The following SHC2 variants were observed in gnomAD, a reference collection of about 807,000 sequenced individuals.
SHC2 encodes SHC adaptor protein 2.
Under a neutral mutation model 60.6 loss-of-function variants are expected in SHC2, and 62 were observed. The observed-to-expected ratio is 1.02, with a 90% CI of 0.83 to 1.26. SHC2 has a LOEUF of 1.26. SHC2 is among the 50% of genes most tolerant of loss of function. The probability of loss-of-function intolerance (pLI) is 0.00; values close to 1 mark genes in which losing one functional copy is unlikely to be tolerated. For missense variants in SHC2, 873 were observed against 822.2 expected, an observed-to-expected ratio of 1.06 and a Z score of -0.76; for synonymous variants, 375 against 372.4, an observed-to-expected ratio of 1.01 and a Z score of -0.08.
rs917617526 is a variant in SHC2 at position 417,211 on chromosome 19, C to T, written c.*117G>A. On this transcript the variant is annotated 3_prime_UTR_variant, in exon 13 of 13. Coordinates refer to ENST00000264554, the MANE Select transcript of SHC2 (RefSeq NM_012435.3). ...GAGGCTCATGCGGAGGAAGGAGAGG[C>T]AGCGGTGGTTCGGCCTGACCAGGAT... is the stretch of plus-strand genomic sequence containing the variant. 24 of 153,062 alleles carry T rather than the reference C, an allele frequency of 1.6e-4. No individual in the cohort carries two copies. The highest frequency in any genetic ancestry group is 5.8e-4 in the African/African-American group (24 of 41,462). The allele number at this position is 153,062 out of a possible 1,614,324, so 9.5% of individuals were successfully genotyped here.
At chr19:460,375 G>A (rs1975511718) in intron 1 of SHC2, among the ~76,000 whole-genome samples, 154 bp downstream of exon 1, 1 of 151,850 alleles carries the variant, frequency 6.6e-6, no homozygotes, top group Non-Finnish European at 1.5e-5. Flanking sequence ...GGCAGCCGCC[G>A]GCCGCCGGCC....
At chr19:458,074 G>T (rs1975403214) in intron 1 of SHC2, among the ~76,000 whole-genome samples, 1 of 135,224 alleles carries the variant, frequency 7.4e-6, no homozygotes. Context: ...AGGCGGAAGC[G>T]GGTCTTGGGG....
chr19:445,120 AG>A lies in SHC2; in HGVS notation c.469-4189del, dbSNP rs1388973944. 6.6e-6 allele frequency among the ~76,000 whole-genome samples: 1 copy of A among 152,220 alleles called. No individual in the cohort carries two copies. Among genetic ancestry groups the A allele is most frequent in the East Asian group, 1.9e-4 (1 of 5,196 alleles). On this transcript the variant is annotated intron_variant, in intron 1 of 12. Transcript: ENST00000264554. The surrounding 1 kb of genome is among the most constrained non-coding windows in gnomAD (Gnocchi z 4.4). ...TTTTTAAAAAAGAGACCAGAAATTCAGGGCTTTTCTGTGAAATTCTCCCAGT... is the reference window on the plus strand; with the variant it reads ...TTTTTAAAAAAGAGACCAGAAATTCAGGCTTTTCTGTGAAATTCTCCCAGT...
chr19:417,226 C>G lies in SHC2; in HGVS notation c.*102G>C, dbSNP rs908474737. The G allele has an allele frequency of 6.5e-6, 1 of 153,174 alleles. No individual in the cohort carries two copies. The highest frequency in any genetic ancestry group is 2.4e-5 in the African/African-American group (1 of 41,458). 9.5% of individuals were successfully genotyped at this position (153,174 alleles called of 1,614,324 possible). On this transcript the variant is annotated 3_prime_UTR_variant, in exon 13 of 13. Coordinates refer to ENST00000264554, the MANE Select transcript of SHC2 (RefSeq NM_012435.3). ...GAAGGAGAGGCAGCGGTGGTTCGGC[C>G]TGACCAGGATCCAGGAGGAGGGCTG...
intron 7 of SHC2, among the ~76,000 whole-genome samples, chr19:435,319 C>T (rs973206469): frequency 6.6e-6 from 1 of 152,250 alleles, no homozygotes; most frequent in Non-Finnish European, 1.5e-5. Flanking sequence ...GAGGGGTGCA[C>T]CCCACCTGGC....
At position 438,748 on chromosome 19, in the gene SHC2, G is replaced by A; in HGVS notation, c.690C>T (p.Gly230=). 1.9e-6 allele frequency: 3 copies of A among 1,569,846 alleles called. No individual in the cohort carries two copies. Among genetic ancestry groups the A allele is most frequent in the Non-Finnish European group, 2.6e-6 (3 of 1,158,764 alleles). ...MSISIHISTD[G]LSLSVPATRQ... is the part of the protein sequence containing the mutation. ...GCGTGGCAGGCACGGAGAGGCTGAGGCCATCAGTGGAGATGTGGATGGAGA... is the reference window on the plus strand; with the variant it reads ...GCGTGGCAGGCACGGAGAGGCTGAGACCATCAGTGGAGATGTGGATGGAGA... Residue 230 remains glycine, a synonymous_variant, in exon 4 of 13, where the codon GGC becomes GGT. Transcript: ENST00000264554. This position sits in a 1 kb window ranked among gnomAD's most constrained non-coding sequence, Gnocchi z 5.0.
chr19:446,078 G>A lies in SHC2; in HGVS notation c.469-5146C>T, dbSNP rs1345621675. 6.6e-6 allele frequency among the ~76,000 whole-genome samples: 1 copy of A among 151,284 alleles called. No homozygotes were observed. Among genetic ancestry groups the A allele is most frequent in the African/African-American group, 2.4e-5 (1 of 41,184 alleles). ...TCAAAATAAAAAAAAAAAAAGACAA[G>A]CACAGAGGGAGATTTGAGAGACAGA... On this transcript the variant is annotated intron_variant, in intron 1 of 12. Coordinates refer to ENST00000264554, the MANE Select transcript of SHC2 (RefSeq NM_012435.3). This position sits in a 1 kb window ranked among gnomAD's most constrained non-coding sequence, Gnocchi z 5.4.
intron 1 of SHC2, among the ~76,000 whole-genome samples, chr19:443,721 A>G (rs1369286301): frequency 2.8e-3 from 156 of 55,564 alleles, no homozygotes; most frequent in East Asian, 3.6e-3. Context: ...TGGACGGGTG[A>G]GTGGATGGGT....
rs1018684779 is a variant in SHC2 at position 427,340 on chromosome 19, T to A, written c.1175-2109A>T. Among the ~76,000 whole-genome samples, 68 of 152,312 alleles carry A rather than the reference T, an allele frequency of 4.5e-4. 1 individual carries two copies. Among genetic ancestry groups the A allele is most frequent in the Non-Finnish European group, 6.6e-4 (45 of 68,022 alleles). ...GGCCGGCGCTCCGTGACCCGGCAGT[T>A]CCCGGCTCAGCATGCACTGGAGAGA... On this transcript the variant is annotated intron_variant, in intron 9 of 12. Transcript: ENST00000264554.
chr19:449,485 T>C (rs964574169), intron 1 of SHC2, among the ~76,000 whole-genome samples: 1 of 152,250 alleles, frequency 6.6e-6, no homozygotes, highest in Non-Finnish European at 1.5e-5. Context: ...CGCAGGATTG[T>C]AACGGTACAT....
intron 1 of SHC2, among the ~76,000 whole-genome samples, chr19:460,027 G>A (rs11672759): frequency 0.17 from 25,688 of 152,214 alleles, 2,250 homozygotes; most frequent in South Asian, 0.29. Flanking sequence ...AAGACCCAAG[G>A]TAAATAAACA....
intron 1 of SHC2, among the ~76,000 whole-genome samples, chr19:447,269 A>G (rs1180974835): frequency 8.5e-6 from 1 of 118,270 alleles, no homozygotes; most frequent in Non-Finnish European, 1.7e-5. Context: ...CGATCCACAG[A>G]GGCAGGAAGG....
chr19:434,176 G>A (rs1301519107), intron 8 of SHC2, among the ~76,000 whole-genome samples: 2 of 146,152 alleles, frequency 1.4e-5, no homozygotes, highest in Non-Finnish European at 3.0e-5. Flanking sequence ...GTGAGAGATA[G>A]AGGAGGCCGG....
intron 1 of SHC2, among the ~76,000 whole-genome samples, chr19:443,048 C>CGGGTGGGTGGATGAGTGGAT (rs1256203516): frequency 3.3e-5 from 1 of 29,992 alleles, no homozygotes; most frequent in African/African-American, 1.3e-4. Context: ...GATGGATGGA[C>CGGGTGGGTGGATGAGTGGAT]GGGTGGGTGG....
chr19:431,494 T>TA, intron 8 of SHC2, among the ~76,000 whole-genome samples: 2 of 43,726 alleles, frequency 4.6e-5, no homozygotes, highest in Admixed American at 3.9e-4. Context: ...GCCGGGCAGA[T>TA]GGCGCTTCAT....
intron 1 of SHC2, among the ~76,000 whole-genome samples, chr19:449,918 TA>T (rs1975138070): frequency 2.0e-5 from 3 of 152,242 alleles, no homozygotes; most frequent in African/African-American, 7.2e-5. Flanking sequence ...AAGCTCTACG[TA>T]GTCTACTGTT....
chr19:442,810 AGTGGATGG>A (rs1194648351), intron 1 of SHC2, among the ~76,000 whole-genome samples: 16 of 14,544 alleles, frequency 1.1e-3, no homozygotes, highest in African/African-American at 4.1e-3. Flanking sequence ...TGGGTGGATG[AGTGGATGG>A]GTGGATGGGT....
In SHC2 at chr19:438,842, G is replaced by A. The variant is rs772022187; in HGVS notation, c.601-5C>T. 3.8e-6 allele frequency: 6 copies of A among 1,563,742 alleles called. No homozygotes were observed. The highest frequency in any genetic ancestry group is 2.4e-5 in the South Asian group (2 of 84,886). ...CGCCAGGGCCTTGTTGGGGGCCTGA[G>A]TTGGGGGCGGAGCACAGCGAGGGCG... On this transcript the variant is annotated splice_region_variant and splice_polypyrimidine_tract_variant and intron_variant, in intron 3 of 12. Transcript: ENST00000264554. This position sits in a 1 kb window ranked among gnomAD's most constrained non-coding sequence, Gnocchi z 5.0.
At chr19:444,047 G>A (rs986247962) in intron 1 of SHC2, among the ~76,000 whole-genome samples, 8 of 149,134 alleles carry the variant, frequency 5.4e-5, no homozygotes, top group East Asian at 2.0e-4. Flanking sequence ...GTGGATGGAC[G>A]GATGGATGGA....
Sources: allele counts gnomAD v4.1 joint callset (sites outside exome capture counted in the v4.1 genomes callset), GRCh38; gene constraint gnomAD v4.1.1; non-coding constraint Gnocchi (gnomAD v3.1); transcripts MANE v1.5; gene names NCBI Gene and HGNC (gene_info 2026-07-23, HGNC 2026-07-21).